Variants in MALRD1 observed in about 807,000 individuals in gnomAD.
MALRD1 encodes MAM and LDL receptor class A domain containing 1.
Under a neutral mutation model 242.1 loss-of-function variants are expected in MALRD1, and 247 were observed. The observed-to-expected ratio is 1.02, with a 90% CI of 0.92 to 1.13. The LOEUF (loss-of-function observed/expected upper bound fraction) is 1.13, where lower values mean the gene tolerates loss of function less well. MALRD1 is among the 50% of genes most tolerant of loss of function. The pLI is 0.00. For synonymous variants in MALRD1, 995 were observed against 866.6 expected, an observed-to-expected ratio of 1.15 and a Z score of -2.60; for missense variants, 2,989 against 2,533.1, an observed-to-expected ratio of 1.18 and a Z score of -3.86.
chr10:19,714,567 C>T (rs978145198), intron 38 of MALRD1, among the ~76,000 whole-genome samples: 1 of 152,166 alleles, frequency 6.6e-6, no homozygotes, highest in Non-Finnish European at 1.5e-5. Flanking sequence ...TGCTTGTCCT[C>T]ACCTACGTCC....
At chr10:19,099,743 T>A (rs1836179091) in intron 4 of MALRD1, among the ~76,000 whole-genome samples, 1 of 142,102 alleles carries the variant, frequency 7.0e-6, no homozygotes, top group Middle Eastern at 3.5e-3. Flanking sequence ...GGACCCTCCA[T>A]AGAACCTATA....
chr10:19,629,437 A>G (rs905555695), intron 36 of MALRD1, among the ~76,000 whole-genome samples: 1 of 152,126 alleles, frequency 6.6e-6, no homozygotes, highest in African/African-American at 2.4e-5. Context: ...GACTTGCTTT[A>G]AAAGAGAGAA....
At chr10:19,419,376 C>A (rs112594477) in intron 28 of MALRD1, among the ~76,000 whole-genome samples, 1 of 152,132 alleles carries the variant, frequency 6.6e-6, no homozygotes, top group African/African-American at 2.4e-5. Flanking sequence ...CTCACTGTAA[C>A]CTCCACCTCC....
intron 32 of MALRD1, among the ~76,000 whole-genome samples, chr10:19,543,978 T>A (rs1386657664): frequency 6.6e-6 from 1 of 152,176 alleles, no homozygotes; most frequent in Non-Finnish European, 1.5e-5. Flanking sequence ...TCCATGCTAC[T>A]TGGCTTTAGT....
chr10:19,644,952 A>T (rs1332970492), intron 36 of MALRD1, among the ~76,000 whole-genome samples: 1 of 152,228 alleles, frequency 6.6e-6, no homozygotes, highest in Non-Finnish European at 1.5e-5. Context: ...CAGATCCTGT[A>T]AAAATTAATA....
intron 17 of MALRD1, among the ~76,000 whole-genome samples, chr10:19,206,033 A>T (rs1336567228): frequency 4.0e-5 from 6 of 150,198 alleles, no homozygotes; most frequent in Admixed American, 6.6e-5. Flanking sequence ...GTTGAATATT[A>T]TATTTATTTT....
At chr10:19,669,982 C>G (rs1355194843) in intron 36 of MALRD1, among the ~76,000 whole-genome samples, 3 of 151,946 alleles carry the variant, frequency 2.0e-5, no homozygotes, top group Non-Finnish European at 4.4e-5. Flanking sequence ...CATCAGAGCT[C>G]AAGACTTCTA....
chr10:19,124,835 C>T (rs1177568823), intron 7 of MALRD1, among the ~76,000 whole-genome samples, 165 bp downstream of exon 7: 1 of 149,572 alleles, frequency 6.7e-6, no homozygotes, highest in Non-Finnish European at 1.5e-5. Context: ...ATTATGTTTC[C>T]AACAGTGTAA....
rs139493672 is a variant in MALRD1, at chr10:19,249,694, A to C, written c.2992-7990A>C. Among the ~76,000 whole-genome samples the C allele has an allele frequency of 2.3e-3, 355 of 152,152 alleles. 2 individuals are homozygous for C. Among genetic ancestry groups the C allele is most frequent in the African/African-American group, 8.2e-3 (340 of 41,564 alleles). ...CAATAAGAAGTTTGTAAAAATAAAA[A>C]GAAAATAGCCTTAGCTTGAGTGGTC... is the stretch of plus-strand genomic sequence containing the variant. On this transcript the variant is annotated intron_variant, in intron 18 of 39. Coordinates refer to ENST00000454679, the MANE Select transcript of MALRD1 (RefSeq NM_001142308.3).
chr10:19,464,848 A>G (rs1836138837), intron 29 of MALRD1, among the ~76,000 whole-genome samples: 1 of 152,036 alleles, frequency 6.6e-6, no homozygotes, highest in South Asian at 2.1e-4. Context: ...CGAACATGGG[A>G]CGTGTTTCCA....
intron 36 of MALRD1, among the ~76,000 whole-genome samples, chr10:19,659,335 G>A (rs1841315227): frequency 6.6e-6 from 1 of 151,936 alleles, no homozygotes; most frequent in African/African-American, 2.4e-5. Context: ...CTGGGAGATG[G>A]GTACTATTAT....
At chr10:19,616,370 A>G (rs201211869) in intron 36 of MALRD1, among the ~76,000 whole-genome samples, 2 of 152,038 alleles carry the variant, frequency 1.3e-5, no homozygotes, top group African/African-American at 2.4e-5. Flanking sequence ...GTGGGTATTT[A>G]TAAGTAAAGT....
intron 18 of MALRD1, among the ~76,000 whole-genome samples, chr10:19,213,616 T>C (rs1181484610): frequency 1.3e-5 from 2 of 152,234 alleles, no homozygotes; most frequent in African/African-American, 4.8e-5. Flanking sequence ...AACTGATAAC[T>C]CTGGCATCTT....
At chr10:19,457,708 A>C (rs1835731703) in intron 29 of MALRD1, among the ~76,000 whole-genome samples, 1 of 150,000 alleles carries the variant, frequency 6.7e-6, no homozygotes, top group Non-Finnish European at 1.5e-5. Flanking sequence ...GGTTGGTCCA[A>C]GGCCACAGGG....
chr10:19,413,940 G>T (rs534755332), intron 28 of MALRD1, among the ~76,000 whole-genome samples: 1 of 146,452 alleles, frequency 6.8e-6, no homozygotes, highest in Non-Finnish European at 1.5e-5. Flanking sequence ...GACAGAGTGA[G>T]ACTCTGTCTC....
intron 24 of MALRD1, 58 bp downstream of exon 24, chr10:19,331,640 A>G (rs2130922731): frequency 2.2e-6 from 3 of 1,338,512 alleles, no homozygotes; most frequent in Middle Eastern, 2.0e-4. Context: ...GCCTTACTCA[A>G]TATCTGTGTT....
intron 32 of MALRD1, among the ~76,000 whole-genome samples, chr10:19,557,714 C>G (rs778816960): frequency 1.2e-4 from 18 of 152,156 alleles, no homozygotes; most frequent in East Asian, 1.9e-4. Context: ...TGTCAGTTGT[C>G]TGGCTTTGTT....
chr10:19,681,660 C>A (rs2131794916), intron 36 of MALRD1, among the ~76,000 whole-genome samples: 1 of 152,256 alleles, frequency 6.6e-6, no homozygotes, highest in Non-Finnish European at 1.5e-5. Context: ...CGACTTCTGT[C>A]AGTTCATCCA....
intron 14 of MALRD1, among the ~76,000 whole-genome samples, chr10:19,178,986 C>T (rs1442208204): frequency 1.3e-5 from 2 of 152,174 alleles, no homozygotes; most frequent in African/African-American, 4.8e-5. Context: ...TGAGAACAAA[C>T]CAGATTCGCT....
Sources: gnomAD v4.1 joint callset for allele counts (sites outside exome capture counted in the v4.1 genomes callset) on GRCh38, gnomAD v4.1.1 for gene constraint, MANE v1.5 for transcripts, NCBI Gene and HGNC (gene_info 2026-07-23, HGNC 2026-07-21) for gene names.